SP100: variants seen among roughly 807,000 people sequenced by gnomAD.
SP100 encodes nuclear autoantigen Sp-100.
A neutral mutation model predicts 130.0 loss-of-function variants in SP100; 84 were observed. The observed-to-expected ratio is 0.65, with a 90% confidence interval of 0.54 to 0.77. The LOEUF (loss-of-function observed/expected upper bound fraction) is 0.77, where lower values mean the gene tolerates loss of function less well. Among genes scored for constraint, SP100 ranks in the 30% least tolerant of loss-of-function variants. The pLI is 0.00. For synonymous variants in SP100, 331 were observed against 351.7 expected (o/e 0.94, Z 0.66); for missense variants, 978 against 1,052.2 (o/e 0.93, Z 0.97).
intron 24 of SP100, chr2:230,515,194 G>A: frequency 1.2e-6 from 2 of 1,613,610 alleles, no homozygotes; most frequent in South Asian, 1.1e-5. Flanking sequence ...TAAAGAGAAA[G>A]GAAAATTTGA....
chr2:230,490,328 T>C (rs886625541), intron 17 of SP100, among the ~76,000 whole-genome samples: 4 of 152,218 alleles, frequency 2.6e-5, no homozygotes, highest in Non-Finnish European at 4.4e-5. Context: ...CTGCTTTTTT[T>C]TTGCTTTCCA....
At chr2:230,420,422 G>T (rs753384625) in intron 2 of SP100, among the ~76,000 whole-genome samples, 4 of 152,018 alleles carry the variant, frequency 2.6e-5, no homozygotes, top group Admixed American at 1.3e-4. Context: ...AGCCAGGACT[G>T]CCAGTGTAAT....
intron 17 of SP100, among the ~76,000 whole-genome samples, chr2:230,486,712 C>T (rs1280179440): frequency 6.6e-6 from 1 of 152,200 alleles, no homozygotes; most frequent in Non-Finnish European, 1.5e-5. Context: ...ATTGCTAGGT[C>T]AAATGGTATT....
chr2:230,438,277 G>C (rs80012573), intron 2 of SP100, among the ~76,000 whole-genome samples: 5,889 of 150,762 alleles, frequency 0.039, 386 homozygotes, highest in African/African-American at 0.13. Context: ...TTTCCATTTT[G>C]TCTTTATTTC....
chr2:230,515,148 A>C (rs771863004), intron 24 of SP100: 1 of 1,612,494 alleles, frequency 6.2e-7, no homozygotes, highest in South Asian at 1.1e-5. Context: ...CAGAGTTTTT[A>C]AAGAAGTGCT....
At chr2:230,492,439 G>C (rs1230318958) in intron 17 of SP100, among the ~76,000 whole-genome samples, 4 of 152,116 alleles carry the variant, frequency 2.6e-5, no homozygotes, top group Non-Finnish European at 1.5e-5. Flanking sequence ...AGAGTAGTTA[G>C]GACTACAGGT....
intron 24 of SP100, among the ~76,000 whole-genome samples, chr2:230,529,115 A>T (rs1304190084): frequency 1.3e-5 from 2 of 152,214 alleles, no homozygotes; most frequent in Admixed American, 1.3e-4. Flanking sequence ...GCTGGTAGAG[A>T]CACAACAAAA....
intron 24 of SP100, among the ~76,000 whole-genome samples, chr2:230,527,482 TA>T (rs1376658243): frequency 6.6e-6 from 1 of 152,178 alleles, no homozygotes; most frequent in East Asian, 1.9e-4. Context: ...TTCCAAATGT[TA>T]AAGACCATCG....
chr2:230,417,020 AT>A, intron 1 of SP100: 1 of 353,374 alleles, frequency 2.8e-6, no homozygotes. Flanking sequence ...AATCTTTTAA[AT>A]TTTTTAATAC....
At chr2:230,494,250 G>T (rs2066541273) in intron 17 of SP100, among the ~76,000 whole-genome samples, 166 bp from the exon 18 acceptor site, 1 of 152,012 alleles carries the variant, frequency 6.6e-6, no homozygotes, top group Non-Finnish European at 1.5e-5. Context: ...TGTGGTTATT[G>T]GTTTCTGCGT....
chr2:230,542,164 A>C, intron 28 of SP100, 129 bp downstream of exon 28: 1 of 1,001,188 alleles, frequency 1.0e-6, no homozygotes, highest in Non-Finnish European at 1.5e-6. Flanking sequence ...TACAAGTACA[A>C]ATCCTGGAAG....
intron 25 of SP100, 33 bp downstream of exon 25, chr2:230,539,415 T>A: frequency 6.8e-7 from 1 of 1,479,910 alleles, no homozygotes; most frequent in African/African-American, 1.4e-5. Flanking sequence ...CCTGAGCCCT[T>A]CCTTCTTGTG....
In SP100 at chr2:230,449,596, C is replaced by A; in HGVS notation, c.622C>A (p.Pro208Thr). 6.2e-7 allele frequency: 1 copy of A among 1,614,002 alleles called. No homozygotes were observed. The highest frequency in any genetic ancestry group is 8.5e-7 in the Non-Finnish European group (1 of 1,179,988). ...ACCTGAAAATGGACTCTCAGAGCAC[C>A]CCTGTGAAACAGAACAGATAAATGC... ...TPPENGLSEH[P>T]CETEQINAKR... The change falls in exon 7 of 29, where the codon CCC (proline) becomes ACC (threonine). Residue 208 changes from proline (P) to threonine (T), a missense_variant. Pro to Thr is a conservative substitution (Grantham distance 38, BLOSUM62 -1). Coordinates refer to ENST00000340126, the MANE Select transcript of SP100 (RefSeq NM_001080391.2).
rs1218083581 is a variant in SP100, at chr2:230,543,515, T to C, written c.*569T>C. On this transcript the variant is annotated 3_prime_UTR_variant, in exon 29 of 29. Transcript: ENST00000340126. ...TACTAGTATTCCTATACACCAGCAA[T>C]AGCCAAGCCAAGAGCCAAATCAGGA... 4 of 152,012 alleles carry C rather than the reference T, an allele frequency of 2.6e-5. No homozygotes were observed. Among genetic ancestry groups the C allele is most frequent in the African/African-American group, 9.7e-5 (4 of 41,404 alleles). 9.4% of individuals were successfully genotyped at this position (152,012 alleles called of 1,614,324 possible). A position where few individuals can be genotyped will look rare whatever the true frequency, so the allele number is the denominator to read the frequency against.
chr2:230,515,458 A>G, intron 24 of SP100: 1 of 1,613,902 alleles, frequency 6.2e-7, no homozygotes, highest in Non-Finnish European at 8.5e-7. Context: ...GTTTTATGAA[A>G]AGAAGGCTGC....
intron 2 of SP100, chr2:230,440,472 A>C: frequency 9.1e-7 from 1 of 1,104,554 alleles, no homozygotes; most frequent in Non-Finnish European, 1.2e-6. Context: ...TTTTATTTCA[A>C]TAGGTTTTTG....
rs1690102998 is a variant in SP100, at chr2:230,506,309, C to T, written c.1877C>T (p.Ser626Leu). Residue 626 changes from serine to leucine, a missense_variant, in exon 22 of 29, where the codon TCA becomes TTA. Physicochemically the swap from Ser to Leu is moderately radical, Grantham distance 145. Transcript: ENST00000340126. ...CTTTGCCTTGGTCTTACAGGAACCT[C>T]AAAGAAGTGTATACAGAGTGAGGAT... is the stretch of plus-strand genomic sequence containing the variant. ...LYKERFKQGT[S>L]KKCIQSEDKK... 6.2e-7 allele frequency: 1 copy of T among 1,613,582 alleles called. No individual in the cohort carries two copies. The highest frequency in any genetic ancestry group is 1.3e-5 in the African/African-American group (1 of 74,880).
At chr2:230,522,478 T>TTTTA (rs1191492704) in intron 24 of SP100, among the ~76,000 whole-genome samples, 1 of 128,732 alleles carries the variant, frequency 7.8e-6, no homozygotes, top group African/African-American at 3.0e-5. Flanking sequence ...CCAGTGTTCT[T>TTTTA]TTTTTTTTTT....
At chr2:230,431,408 A>G (rs2063096498) in intron 2 of SP100, among the ~76,000 whole-genome samples, 1 of 152,196 alleles carries the variant, frequency 6.6e-6, no homozygotes, top group African/African-American at 2.4e-5. Flanking sequence ...CTGGGGTAGG[A>G]GCAACACAGT....
Sources: allele counts gnomAD v4.1 joint callset (sites outside exome capture counted in the v4.1 genomes callset), GRCh38; gene constraint gnomAD v4.1.1; transcripts MANE v1.5; gene names NCBI Gene and HGNC (gene_info 2026-07-23, HGNC 2026-07-21).